Variants in ZNF787 observed in about 807,000 individuals in gnomAD.
The protein encoded by ZNF787 is TTF-I-interacting peptide 20.
A neutral mutation model predicts 16.9 loss-of-function variants in ZNF787; 7 were observed. That is an observed-to-expected ratio of 0.42 (90% CI 0.24 to 0.78). ZNF787 has a LOEUF of 0.78. ZNF787 is among the 30% of genes least tolerant of loss of function. The pLI is 0.30. For synonymous variants in ZNF787, 345 were observed against 270.9 expected, an observed-to-expected ratio of 1.27 and a Z score of -2.69; for missense variants, 551 against 589.3, an observed-to-expected ratio of 0.94 and a Z score of 0.67.
At chr19:56,116,712 T>C (rs993245861) in intron 1 of ZNF787, among the ~76,000 whole-genome samples, 1 of 152,088 alleles carries the variant, frequency 6.6e-6, no homozygotes, top group Non-Finnish European at 1.5e-5. Context: ...ATTTTCCAGA[T>C]GGTGTGGATT....
chr19:56,118,143 C>G (rs957827823), intron 1 of ZNF787, among the ~76,000 whole-genome samples: 1 of 152,250 alleles, frequency 6.6e-6, no homozygotes, highest in Non-Finnish European at 1.5e-5. Flanking sequence ...CTCTGGGCTC[C>G]TGGGACAGGG....
intron 1 of ZNF787, among the ~76,000 whole-genome samples, chr19:56,107,376 C>G (rs1986365253): frequency 6.6e-6 from 1 of 152,214 alleles, no homozygotes; most frequent in Admixed American, 6.5e-5. Context: ...GAAGGCCGCG[C>G]TCTCCAGGGT....
At chr19:56,089,817 G>A (rs1219792149) in intron 2 of ZNF787, among the ~76,000 whole-genome samples, 3 of 152,162 alleles carry the variant, frequency 2.0e-5, no homozygotes, top group Non-Finnish European at 4.4e-5. Flanking sequence ...CACTGAGGAC[G>A]CCCTTCCAGC....
rs763210736 is a variant in ZNF787 at position 56,088,249 on chromosome 19, C to T, written c.923G>A (p.Gly308Glu). 1.4e-6 allele frequency: 2 copies of T among 1,465,938 alleles called. No homozygotes were observed. The highest frequency in any genetic ancestry group is 1.3e-5 in the South Asian group (1 of 78,442). 90.8% of individuals were successfully genotyped at this position (1,465,938 alleles called of 1,614,324 possible). Reference protein sequence around the residue: ...HQRAQHGDGLGAAGGEEPAHI... With the variant: ...HQRAQHGDGLEAAGGEEPAHI... ...GGCCGGCTCCTCGCCCCCCGCCGCC[C>T]CGAGCCCGTCCCCGTGCTGGGCCCG... Residue 308 changes from glycine (G) to glutamate (E), a missense_variant, in exon 3 of 3, where the codon GGG (glycine) becomes GAG (glutamate). This residue lies in a region of ZNF787 where 392 missense variants were observed against 312.7 expected (regional missense o/e 1.25). Coordinates refer to ENST00000610935, the MANE Select transcript of ZNF787 (RefSeq NM_001002836.4). This position sits in a 1 kb window ranked among gnomAD's most constrained non-coding sequence, Gnocchi z 8.6.
intron 2 of ZNF787, among the ~76,000 whole-genome samples, chr19:56,097,042 C>A: frequency 6.6e-6 from 1 of 152,150 alleles, no homozygotes; most frequent in East Asian, 1.9e-4. Context: ...ATGGGTCTCA[C>A]CCTCCTGAGA....
chr19:56,096,899 G>A (rs1325252555), intron 2 of ZNF787, among the ~76,000 whole-genome samples: 1 of 152,130 alleles, frequency 6.6e-6, no homozygotes. Flanking sequence ...TATCTGAACA[G>A]CTCTGAGGCT....
intron 2 of ZNF787, among the ~76,000 whole-genome samples, chr19:56,093,936 G>A (rs1455348137): frequency 6.6e-6 from 1 of 152,252 alleles, no homozygotes; most frequent in East Asian, 1.9e-4. Context: ...CTTTTGCTTT[G>A]GGTCTCTTCT....
chr19:56,101,660 T>C (rs1599948575), intron 2 of ZNF787: 1 of 152,270 alleles, frequency 6.6e-6, no homozygotes, highest in Non-Finnish European at 1.5e-5. Context: ...AAGGAGTCCT[T>C]ACATGTTGGA....
At chr19:56,102,806 G>A (rs1026080684) in intron 2 of ZNF787, 1 of 669,816 alleles carries the variant, frequency 1.5e-6, no homozygotes, top group African/African-American at 1.8e-5. Context: ...GGATGTGGAG[G>A]CGGGGCTGTG....
chr19:56,097,882 G>A (rs569787351), intron 2 of ZNF787, among the ~76,000 whole-genome samples: 2 of 152,292 alleles, frequency 1.3e-5, no homozygotes, highest in Admixed American at 1.3e-4. Context: ...GTGACCTCCA[G>A]TAAGAGATGG....
Position 56,087,815 on chromosome 19 carries a change from C to T in ZNF787, c.*208G>A, listed in dbSNP as rs1201670301. 5.6e-5 allele frequency: 43 copies of T among 771,206 alleles called. No individual in the cohort carries two copies. The highest frequency in any genetic ancestry group is 6.1e-5 in the Non-Finnish European group (35 of 573,878). 47.8% of individuals were successfully genotyped at this position (771,206 alleles called of 1,614,324 possible). ...GGAAGGGCGGGCCAGGCTGAGGGGGCAGAGTCTCGAGGCGGAGAAGTGAAC... is the reference window on the plus strand; with the variant it reads ...GGAAGGGCGGGCCAGGCTGAGGGGGTAGAGTCTCGAGGCGGAGAAGTGAAC... On this transcript the variant is annotated 3_prime_UTR_variant, in exon 3 of 3. Transcript: ENST00000610935.
In ZNF787 at chr19:56,119,323, G is replaced by A. The variant is rs568949389; in HGVS notation, c.-11+1849C>T. Among the ~76,000 whole-genome samples the A allele has an allele frequency of 7.9e-5, 12 of 152,280 alleles. No homozygotes were observed. The East Asian group carries it at 2.3e-3, about 29-fold the overall frequency. ...CTCAGGGAATTGTGAACTTGCTCTCGTTTTTAGACAACTGAAGGGAAATTG... is the reference window on the plus strand; with the variant it reads ...CTCAGGGAATTGTGAACTTGCTCTCATTTTTAGACAACTGAAGGGAAATTG... On this transcript the variant is annotated intron_variant, in intron 1 of 2. Coordinates refer to ENST00000610935, the MANE Select transcript of ZNF787 (RefSeq NM_001002836.4).
chr19:56,115,780 GA>G (rs1326515232), intron 1 of ZNF787, among the ~76,000 whole-genome samples: 2 of 152,178 alleles, frequency 1.3e-5, no homozygotes, highest in African/African-American at 4.8e-5. Context: ...GAGAGAGAGG[GA>G]CTTCATCTAC....
At position 56,090,202 on chromosome 19, in the gene ZNF787, C is replaced by A. The variant is rs747890849; in HGVS notation, c.80-1110G>T. Reference sequence around the variant, plus strand: ...CTCCCAGATGCCACGCTGGCAAACACGCAAGGAAGGGCCATGACGCCCCCC... The same window carrying A: ...CTCCCAGATGCCACGCTGGCAAACAAGCAAGGAAGGGCCATGACGCCCCCC... On this transcript the variant is annotated intron_variant, in intron 2 of 2. Transcript: ENST00000610935. Among the ~76,000 whole-genome samples the A allele has an allele frequency of 4.6e-5, 7 of 152,348 alleles. No homozygotes were observed. The East Asian group carries it at 1.4e-3, about 29-fold the overall frequency.
intron 1 of ZNF787, among the ~76,000 whole-genome samples, chr19:56,113,557 G>A (rs188678894): frequency 6.6e-6 from 1 of 152,154 alleles, no homozygotes; most frequent in African/African-American, 2.4e-5. Flanking sequence ...GCTGTGACAG[G>A]GATGACCCTC....
At chr19:56,091,924 G>GAAGCCA (rs1312330356) in intron 2 of ZNF787, among the ~76,000 whole-genome samples, 7 of 99,954 alleles carry the variant, frequency 7.0e-5, no homozygotes, top group African/African-American at 5.6e-4. Context: ...AGCCGCAGCC[G>GAAGCCA]AAGCCGAAGC....
At chr19:56,112,796 C>T (rs2030018465) in intron 1 of ZNF787, among the ~76,000 whole-genome samples, 1 of 152,122 alleles carries the variant, frequency 6.6e-6, no homozygotes, top group South Asian at 2.1e-4. Flanking sequence ...GACTCCACAA[C>T]CTCTTTGGAG....
At position 56,087,598 on chromosome 19, in the gene ZNF787, A is replaced by T. The variant is rs967160975; in HGVS notation, c.*425T>A. On this transcript the variant is annotated 3_prime_UTR_variant, in exon 3 of 3. Coordinates refer to ENST00000610935, the MANE Select transcript of ZNF787 (RefSeq NM_001002836.4). ...TTAAAAGAAAATTCTAAAAGAGAAA[A>T]GGGCCCCTGGTTCTCTTCCCTCTCT... 6 of 157,250 alleles carry T rather than the reference A, an allele frequency of 3.8e-5. No homozygotes were observed. Among genetic ancestry groups the T allele is most frequent in the African/African-American group, 1.4e-4 (6 of 41,556 alleles). The allele number at this position is 157,250 out of a possible 1,614,324, so 9.7% of individuals were successfully genotyped here.
At position 56,087,968 on chromosome 19, in the gene ZNF787, G is replaced by C. The variant is rs1334620168; in HGVS notation, c.*55C>G. 1.5e-6 allele frequency: 2 copies of C among 1,297,662 alleles called. No individual in the cohort carries two copies. The highest frequency in any genetic ancestry group is 1.6e-5 in the African/African-American group (1 of 62,858). 80.4% of individuals were successfully genotyped at this position (1,297,662 alleles called of 1,614,324 possible). On this transcript the variant is annotated 3_prime_UTR_variant, in exon 3 of 3. Transcript: ENST00000610935. ...CCTGGGTCTCTTGGTCTTGCACGTC[G>C]TCGCTCCCGCCAAGCCCGAGGGGCC...
Sources: gnomAD v4.1 joint callset for allele counts (sites outside exome capture counted in the v4.1 genomes callset) on GRCh38, gnomAD v4.1.1 for gene constraint, gnomAD v4.1.1 regional missense constraint, Gnocchi (gnomAD v3.1) non-coding constraint, MANE v1.5 for transcripts, NCBI Gene and HGNC (gene_info 2026-07-23, HGNC 2026-07-21) for gene names.